TKT: variants seen among roughly 807,000 people sequenced by gnomAD.
The protein encoded by TKT is transketolase, also known as epididymis luminal protein 107.
In TKT, 47 loss-of-function variants were observed where a neutral mutation model predicts 63.9. The observed-to-expected ratio is 0.74, with a 90% CI of 0.58 to 0.94. The LOEUF (loss-of-function observed/expected upper bound fraction) is 0.94. Among genes scored for constraint, TKT ranks in the 40% least tolerant of loss-of-function variants. The pLI is 0.00. For synonymous variants in TKT, 338 were observed against 334.1 expected (o/e 1.01, Z -0.13); for missense variants, 721 against 846.2 (o/e 0.85, Z 1.84).
chr3:53,233,384 C>A (rs1347822771), intron 5 of TKT, 110 bp from the exon 6 acceptor site: 21 of 731,342 alleles, frequency 2.9e-5, no homozygotes, highest in Non-Finnish European at 4.2e-5. Context: ...GGCTCCACCC[C>A]ACAACTGCGG....
At chr3:53,230,338 T>C (rs1205031387) in intron 8 of TKT, 119 bp downstream of exon 8, 67 of 1,332,426 alleles carry the variant, frequency 5.0e-5, no homozygotes, top group South Asian at 1.3e-4. Flanking sequence ...GCTTTTCTTA[T>C]AGTCTCCCTG....
chr3:53,248,503 G>A (rs982247788), intron 1 of TKT, among the ~76,000 whole-genome samples: 1 of 152,116 alleles, frequency 6.6e-6, no homozygotes, highest in Non-Finnish European at 1.5e-5. Flanking sequence ...GTATGGTGGT[G>A]AGTGCCTCCC....
intron 12 of TKT, 77 bp from the exon 13 acceptor site, chr3:53,226,955 C>T (rs1039159742): frequency 6.6e-7 from 1 of 1,521,500 alleles, no homozygotes; most frequent in Non-Finnish European, 8.8e-7. Context: ...CCTGGTGGGA[C>T]ATCCTGAGGG....
At chr3:53,243,203 T>A (rs1448694555) in intron 1 of TKT, among the ~76,000 whole-genome samples, 1 of 152,034 alleles carries the variant, frequency 6.6e-6, no homozygotes, top group East Asian at 1.9e-4. Flanking sequence ...AACTTTCTAT[T>A]GCTTCCTGCT....
chr3:53,227,807 G>GT (rs1274118289), intron 12 of TKT: 1 of 381,118 alleles, frequency 2.6e-6, no homozygotes. Flanking sequence ...CCACCATGCT[G>GT]GGGGGGTCTC....
rs1429155973 is a variant in TKT, at chr3:53,241,350, G to A, written c.226-105C>T. ...TGGGGCCCGGCCGAGCCGGCCAACT[G>A]CAGCATCCATTTCAGGGGAGGAAGC... is the stretch of plus-strand genomic sequence containing the variant. On this transcript the variant is annotated intron_variant, in intron 2 of 13. Coordinates refer to ENST00000462138, the MANE Select transcript of TKT (RefSeq NM_001064.4). 5.5e-6 allele frequency: 5 copies of A among 911,720 alleles called. No individual in the cohort carries two copies. The African/African-American group carries it at 7.0e-5, about 13-fold the overall frequency. 56.5% of individuals were successfully genotyped at this position (911,720 alleles called of 1,614,324 possible).
intron 1 of TKT, among the ~76,000 whole-genome samples, chr3:53,249,207 T>C (rs1705646161): frequency 6.8e-6 from 1 of 146,382 alleles, no homozygotes; most frequent in African/African-American, 2.5e-5. Flanking sequence ...TGACCTCAAA[T>C]GATCCACCCA....
intron 8 of TKT, 103 bp from the exon 9 acceptor site, chr3:53,229,539 G>T: frequency 7.7e-7 from 1 of 1,298,058 alleles, no homozygotes; most frequent in Non-Finnish European, 1.1e-6. Flanking sequence ...TATATAGATT[G>T]TCCATCCTTT....
At chr3:53,242,371 C>A in intron 1 of TKT, 129 bp from the exon 2 acceptor site, 1 of 868,096 alleles carries the variant, frequency 1.2e-6, no homozygotes, top group Non-Finnish European at 1.9e-6. Context: ...ATCAGACAGC[C>A]ACGAGCTCTT....
rs959275834 is a variant in TKT, at chr3:53,231,388, G to C, written c.911C>G (p.Pro304Arg). ...CCCAACTTTGTAGCTGGGCAGGCTG[G>C]GCATGCGGATGTTGGCAATGTCCAC... ...PSVDIANIRM[P>R]SLPSYKVGDK... The change falls in exon 7 of 14, where the codon CCC becomes CGC. Residue 304 changes from proline to arginine, a missense_variant. Coordinates refer to ENST00000462138, the MANE Select transcript of TKT (RefSeq NM_001064.4). 3 of 1,613,800 alleles carry C rather than the reference G, an allele frequency of 1.9e-6. No individual in the cohort carries two copies. Among genetic ancestry groups the C allele is most frequent in the Non-Finnish European group, 2.5e-6 (3 of 1,180,026 alleles).
At chr3:53,253,893 T>C (rs1553681924) in intron 1 of TKT, among the ~76,000 whole-genome samples, 1 of 152,174 alleles carries the variant, frequency 6.6e-6, no homozygotes, top group East Asian at 1.9e-4. Flanking sequence ...TGAACCACCA[T>C]GCCCTGCCAA....
At chr3:53,230,989 C>G (rs1373683650) in intron 7 of TKT, among the ~76,000 whole-genome samples, 5 of 152,220 alleles carry the variant, frequency 3.3e-5, no homozygotes, top group African/African-American at 7.2e-5. Context: ...GGACAGAAAC[C>G]TGGAGTGGGA....
At chr3:53,226,666 C>T in intron 13 of TKT, 90 bp downstream of exon 13, 3 of 1,584,406 alleles carry the variant, frequency 1.9e-6, no homozygotes, top group Non-Finnish European at 2.6e-6. Flanking sequence ...CCACAGCTGC[C>T]CTCCTGGGGC....
At chr3:53,254,425 T>C (rs1553681971) in intron 1 of TKT, among the ~76,000 whole-genome samples, 1 of 152,188 alleles carries the variant, frequency 6.6e-6, no homozygotes, top group African/African-American at 2.4e-5. Flanking sequence ...GGGAAGGGCT[T>C]TGAAAGACAT....
At chr3:53,241,367 G>A in intron 2 of TKT, 122 bp from the exon 3 acceptor site, 1 of 799,636 alleles carries the variant, frequency 1.3e-6, no homozygotes, top group Non-Finnish European at 1.9e-6. Context: ...CCATTTCAGG[G>A]GAGGAAGCAA....
rs782383343 is a variant in TKT at position 53,231,562 on chromosome 3, A to G, written c.749-12T>C. 15 of 1,609,912 alleles carry G rather than the reference A, an allele frequency of 9.3e-6. 1 individual carries two copies. The highest frequency in any genetic ancestry group is 1.3e-5 in the Non-Finnish European group (15 of 1,177,582). Reference sequence around the variant, plus strand: ...CTTATCTTCTACCCCTGCAGACCCAACACGGGAGGACAGAGGAATGGGTAA... The same window carrying G: ...CTTATCTTCTACCCCTGCAGACCCAGCACGGGAGGACAGAGGAATGGGTAA... On this transcript the variant is annotated splice_polypyrimidine_tract_variant and intron_variant, in intron 6 of 13. Coordinates refer to ENST00000462138, the MANE Select transcript of TKT (RefSeq NM_001064.4).
At position 53,242,129 on chromosome 3, in the gene TKT, G is replaced by C; in HGVS notation, c.221C>G (p.Ser74Cys). 6.2e-7 allele frequency: 1 copy of C among 1,613,946 alleles called. No homozygotes were observed. Among genetic ancestry groups the C allele is most frequent in the Non-Finnish European group, 8.5e-7 (1 of 1,179,890 alleles). Residue 74 changes from serine to cysteine, a missense_variant, in exon 2 of 14, where the codon TCC becomes TGC. Coordinates refer to ENST00000462138, the MANE Select transcript of TKT (RefSeq NM_001064.4). ...AGTGGGCAGCTGGGCTCTTACCTTG[G>C]AGAGCACAAAGCGGTCATTGTGCGG... ...RNPHNDRFVL[S>C]KGHAAPILYA...
Position 53,240,495 on chromosome 3 carries a change from T to A in TKT, c.340-147A>T. The A allele has an allele frequency of 1.3e-5, 8 of 628,368 alleles. No homozygotes were observed. In the South Asian group the frequency reaches 1.3e-4, roughly 10 times the overall value. The allele number at this position is 628,368 out of a possible 1,614,324, so 38.9% of individuals were successfully genotyped here. ...GATGGCCTCTACCTAGCATGTGACT[T>A]CTTCTCCTAATGAACTAATTATAAT... On this transcript the variant is annotated intron_variant, in intron 3 of 13. Coordinates refer to ENST00000462138, the MANE Select transcript of TKT (RefSeq NM_001064.4).
chr3:53,232,012 G>A (rs1553677244), intron 6 of TKT: 1 of 275,100 alleles, frequency 3.6e-6, no homozygotes, highest in Non-Finnish European at 6.8e-6. Flanking sequence ...GGCTTCCAGG[G>A]TCACCCAATG....
Sources: gnomAD v4.1 joint callset for allele counts (sites outside exome capture counted in the v4.1 genomes callset) on GRCh38, gnomAD v4.1.1 for gene constraint, MANE v1.5 for transcripts, NCBI Gene and HGNC (gene_info 2026-07-23, HGNC 2026-07-21) for gene names.